PTPRA: variants seen among roughly 807,000 people sequenced by gnomAD.
PTPRA encodes receptor-type tyrosine-protein phosphatase alpha.
In PTPRA, 25 loss-of-function variants were observed where a neutral mutation model predicts 104.8. The ratio of observed to expected loss-of-function variants is 0.24; its 90% confidence interval spans 0.17 to 0.33. PTPRA has a LOEUF of 0.33. PTPRA is among the 10% of genes least tolerant of loss of function. The pLI is 1.00. For missense variants in PTPRA, 765 were observed against 1,015.3 expected (o/e 0.75, Z 3.35); for synonymous variants, 323 against 368.9 (o/e 0.88, Z 1.43).
rs1434711411 is a variant in PTPRA at position 2,873,534 on chromosome 20, G to A, written c.-355G>A. 1.3e-5 allele frequency: 2 copies of A among 151,722 alleles called. No individual in the cohort carries two copies. Among genetic ancestry groups the A allele is most frequent in the Admixed American group, 6.6e-5 (1 of 15,238 alleles). The allele number at this position is 151,722 out of a possible 1,614,324, so 9.4% of individuals were successfully genotyped here. ...GGCGCTGACAGAGACGCGCGCGCGC[G>A]CGATCGCGCTCGGACCCCGGCCGCT... On this transcript the variant is annotated 5_prime_UTR_variant, in exon 1 of 24. Transcript: ENST00000399903. The surrounding 1 kb of genome is among the most constrained non-coding windows in gnomAD (Gnocchi z 4.4).
intron 2 of PTPRA, among the ~76,000 whole-genome samples, chr20:2,934,581 CATTTT>C (rs1222487934): frequency 1.3e-5 from 2 of 149,896 alleles, no homozygotes; most frequent in Non-Finnish European, 3.0e-5. Context: ...TTTTTTAAAA[CATTTT>C]ATTTTTTAAT....
At chr20:2,874,073 G>A (rs1362418362) in intron 1 of PTPRA, among the ~76,000 whole-genome samples, 1 of 152,166 alleles carries the variant, frequency 6.6e-6, no homozygotes, top group African/African-American at 2.4e-5. Context: ...AACTTAGAAC[G>A]GCGAGAACAG....
intron 3 of PTPRA, among the ~76,000 whole-genome samples, chr20:2,952,638 T>G (rs2061392363): frequency 6.6e-6 from 1 of 152,202 alleles, no homozygotes; most frequent in South Asian, 2.1e-4. Flanking sequence ...CACATTGTTG[T>G]GCAACCATCA....
rs563275469 is a variant in PTPRA at position 2,930,169 on chromosome 20, A to C, written c.-50+6884A>C. On this transcript the variant is annotated intron_variant, in intron 2 of 23. Coordinates refer to ENST00000399903, the MANE Select transcript of PTPRA (RefSeq NM_001385305.1). ...ATAGACATTTAAGAAGGCTTGGTGC[A>C]TTGCAGCATTTGGTAAATTATTATG... Among the ~76,000 whole-genome samples, 9 of 152,300 alleles carry C rather than the reference A, an allele frequency of 5.9e-5. No homozygotes were observed. The South Asian group carries it at 1.9e-3, about 32-fold the overall frequency.
intron 1 of PTPRA, among the ~76,000 whole-genome samples, chr20:2,891,029 C>T (rs894373582): frequency 6.6e-6 from 1 of 152,164 alleles, no homozygotes; most frequent in African/African-American, 2.4e-5. Flanking sequence ...TCCTTTTCAG[C>T]GTGTTATTTT....
intron 6 of PTPRA, among the ~76,000 whole-genome samples, chr20:2,979,891 GTTTT>G (rs944121728): frequency 6.6e-6 from 1 of 150,930 alleles, no homozygotes; most frequent in Admixed American, 6.6e-5. Flanking sequence ...TCATGTTGGT[GTTTT>G]TTTGTTTGTT....
intron 1 of PTPRA, among the ~76,000 whole-genome samples, chr20:2,900,685 A>G (rs1312535968): frequency 6.6e-6 from 1 of 151,720 alleles, no homozygotes; most frequent in Non-Finnish European, 1.5e-5. Flanking sequence ...GTGAAACCCC[A>G]TCTCTACTAA....
intron 3 of PTPRA, among the ~76,000 whole-genome samples, chr20:2,949,321 T>A (rs1045472383): frequency 6.6e-6 from 1 of 151,206 alleles, no homozygotes; most frequent in African/African-American, 2.4e-5. Flanking sequence ...TTTTTTTTTT[T>A]AATTTTTTTA....
chr20:2,998,229 G>A (rs1038435466), intron 9 of PTPRA, among the ~76,000 whole-genome samples: 1 of 150,388 alleles, frequency 6.6e-6, no homozygotes, highest in African/African-American at 2.4e-5. Flanking sequence ...GGATAGGAGA[G>A]AAAGAAAAGA....
intron 1 of PTPRA, among the ~76,000 whole-genome samples, chr20:2,906,609 G>A (rs559197157): frequency 3.9e-5 from 6 of 152,090 alleles, no homozygotes; most frequent in South Asian, 4.1e-4. Flanking sequence ...AGTTCTTTTC[G>A]GAGTGATAAC....
intron 2 of PTPRA, among the ~76,000 whole-genome samples, chr20:2,929,781 C>T (rs920819228): frequency 6.6e-6 from 1 of 152,108 alleles, no homozygotes; most frequent in Non-Finnish European, 1.5e-5. Flanking sequence ...GCCATGTTTG[C>T]ACCACTGCAC....
At chr20:2,907,829 A>G (rs1568647973) in intron 1 of PTPRA, among the ~76,000 whole-genome samples, 1 of 152,022 alleles carries the variant, frequency 6.6e-6, no homozygotes, top group Non-Finnish European at 1.5e-5. Flanking sequence ...TTTTAAACAG[A>G]TTATTGATCT....
intron 3 of PTPRA, among the ~76,000 whole-genome samples, chr20:2,953,304 A>G (rs934182435): frequency 6.0e-5 from 9 of 151,226 alleles, no homozygotes; most frequent in Admixed American, 2.6e-4. Flanking sequence ...ACCCAGGCTG[A>G]AGTGTAGTGG....
At chr20:2,885,127 A>G (rs1378570465) in intron 1 of PTPRA, among the ~76,000 whole-genome samples, 1 of 152,188 alleles carries the variant, frequency 6.6e-6, no homozygotes, top group East Asian at 1.9e-4. Flanking sequence ...TTGTTGAGGA[A>G]CAGAAAGAAC....
chr20:2,869,340 T>C (rs1376527946), upstream of PTPRA, among the ~76,000 whole-genome samples: 1 of 152,150 alleles, frequency 6.6e-6, no homozygotes, highest in Non-Finnish European at 1.5e-5. Context: ...TTTTTTTTTC[T>C]TTTCAGGCAA....
chr20:3,017,834 T>A lies in PTPRA; in HGVS notation c.962T>A (p.Val321Glu), dbSNP rs780272972. 1 of 1,614,154 alleles carries A rather than the reference T, an allele frequency of 6.2e-7. No individual in the cohort carries two copies. The highest frequency in any genetic ancestry group is 8.5e-7 in the Non-Finnish European group (1 of 1,180,020). ...IAAQGPKEETVNDFWRMIWEQ... is the reference protein window; with the variant it reads ...IAAQGPKEETENDFWRMIWEQ... ...ACTTTAGGACCAAAAGAAGAAACGG[T>A]GAATGATTTCTGGCGGATGATCTGG... Residue 321 changes from valine (V) to glutamate (E), a missense_variant, in exon 13 of 24, where the codon GTG (valine) becomes GAG (glutamate). Coordinates refer to ENST00000399903, the MANE Select transcript of PTPRA (RefSeq NM_001385305.1).
At chr20:2,982,054 T>C (rs1163494261) in intron 6 of PTPRA, among the ~76,000 whole-genome samples, 1 of 152,110 alleles carries the variant, frequency 6.6e-6, no homozygotes, top group Non-Finnish European at 1.5e-5. Context: ...TAGCCCAGTG[T>C]CTTAAGCCAA....
At chr20:3,028,160 T>A (rs1434218601) in intron 20 of PTPRA, among the ~76,000 whole-genome samples, 1 of 151,758 alleles carries the variant, frequency 6.6e-6, no homozygotes, top group Non-Finnish European at 1.5e-5. Context: ...CCCCCTAGCC[T>A]AGCCTTTGCA....
intron 9 of PTPRA, among the ~76,000 whole-genome samples, chr20:2,992,635 G>A (rs1244442999): frequency 6.6e-6 from 1 of 152,004 alleles, no homozygotes; most frequent in Non-Finnish European, 1.5e-5. Flanking sequence ...TAGGCTAGGA[G>A]CATGGTCTTA....
Sources: gnomAD v4.1 joint callset for allele counts (sites outside exome capture counted in the v4.1 genomes callset) on GRCh38, gnomAD v4.1.1 for gene constraint, Gnocchi (gnomAD v3.1) non-coding constraint, MANE v1.5 for transcripts, NCBI Gene and HGNC (gene_info 2026-07-23, HGNC 2026-07-21) for gene names.